Variants in EFNA5 observed in about 807,000 individuals in gnomAD.
EFNA5 encodes ephrin A5, also known as ephrin-A5.
Under a neutral mutation model 22.9 loss-of-function variants are expected in EFNA5, and 5 were observed. The observed-to-expected ratio is 0.22, with a 90% CI of 0.11 to 0.46. The LOEUF (loss-of-function observed/expected upper bound fraction) is 0.46, where lower values mean the gene tolerates loss of function less well. Ranked by LOEUF, EFNA5 falls within the 20% of genes least tolerant of loss-of-function variation. The pLI, the probability that EFNA5 is intolerant of heterozygous loss-of-function variation, is 0.99. For synonymous variants in EFNA5, 113 were observed against 112.2 expected (o/e 1.01, Z -0.04); for missense variants, 237 against 293.3 (o/e 0.81, Z 1.40).
chr5:107,460,634 GA>G lies in EFNA5; in HGVS notation c.126-33126del, dbSNP rs543485105. 6.6e-5 allele frequency among the ~76,000 whole-genome samples: 10 copies of G among 150,722 alleles called. No homozygotes were observed. The East Asian group carries it at 7.8e-4, about 12-fold the overall frequency. On this transcript the variant is annotated intron_variant, in intron 1 of 4. Coordinates refer to ENST00000333274, the MANE Select transcript of EFNA5 (RefSeq NM_001962.3). ...AGATCTTTTGTAATTTAAAATGTGA[GA>G]AAAAAAAACCCTGAAAGTAGCTTTC...
intron 1 of EFNA5, among the ~76,000 whole-genome samples, chr5:107,600,942 T>A (rs776803971): frequency 6.6e-6 from 1 of 152,184 alleles, no homozygotes; most frequent in African/African-American, 2.4e-5. Flanking sequence ...AGAAGACCTA[T>A]AAAGATTGAA....
At chr5:107,452,288 C>T (rs1254585664) in intron 1 of EFNA5, among the ~76,000 whole-genome samples, 1 of 151,862 alleles carries the variant, frequency 6.6e-6, no homozygotes, top group African/African-American at 2.4e-5. Context: ...ACACGTATAC[C>T]TATGTGACAA....
At chr5:107,482,824 CTGTCTCTG>C (rs1462329397) in intron 1 of EFNA5, among the ~76,000 whole-genome samples, 3,085 of 52,834 alleles carry the variant, frequency 0.058, 113 homozygotes, top group African/African-American at 0.17. Context: ...GTCTCTCTCT[CTGTCTCTG>C]TCTCTCTCTC....
At chr5:107,384,562 C>A (rs1367215452) in intron 4 of EFNA5, among the ~76,000 whole-genome samples, 6 of 152,134 alleles carry the variant, frequency 3.9e-5, no homozygotes, top group Non-Finnish European at 1.5e-5. Context: ...GGTAAATACC[C>A]TTTCACTCAG....
intron 1 of EFNA5, among the ~76,000 whole-genome samples, chr5:107,437,602 C>A (rs139056219): frequency 6.6e-6 from 1 of 152,270 alleles, no homozygotes; most frequent in African/African-American, 2.4e-5. Flanking sequence ...ACGTATAGAT[C>A]TCCTTGAAAA....
intron 1 of EFNA5, among the ~76,000 whole-genome samples, chr5:107,567,870 A>T (rs759321792): frequency 6.6e-6 from 1 of 152,160 alleles, no homozygotes; most frequent in East Asian, 1.9e-4. Flanking sequence ...TAATATTTAC[A>T]TTCAAGTTCT....
At chr5:107,567,472 T>C (rs1247894165) in intron 1 of EFNA5, among the ~76,000 whole-genome samples, 1 of 152,188 alleles carries the variant, frequency 6.6e-6, no homozygotes, top group Non-Finnish European at 1.5e-5. Context: ...TTTCAAGCTC[T>C]GGGGCCCGAA....
chr5:107,514,782 C>G (rs1365683642), intron 1 of EFNA5, among the ~76,000 whole-genome samples: 1 of 152,184 alleles, frequency 6.6e-6, no homozygotes, highest in Non-Finnish European at 1.5e-5. Flanking sequence ...CCTACGTGAC[C>G]TGCCTCCCGT....
intron 1 of EFNA5, among the ~76,000 whole-genome samples, chr5:107,630,631 A>G (rs352602): frequency 0.26 from 39,930 of 151,904 alleles, 5,837 homozygotes; most frequent in Non-Finnish European, 0.33. Context: ...ACACTTCTGT[A>G]GACTTTATGA....
chr5:107,515,443 A>T (rs1282929701), intron 1 of EFNA5, among the ~76,000 whole-genome samples: 1 of 147,488 alleles, frequency 6.8e-6, no homozygotes, highest in Non-Finnish European at 1.5e-5. Flanking sequence ...CAGTGGCACA[A>T]TCTCGGCTCA....
At chr5:107,659,919 T>A (rs1403075282) in intron 1 of EFNA5, among the ~76,000 whole-genome samples, 1 of 151,914 alleles carries the variant, frequency 6.6e-6, no homozygotes, top group Non-Finnish European at 1.5e-5. Context: ...TCTACATTTT[T>A]TTTCCTTCAG....
At chr5:107,570,933 C>T (rs952573471) in intron 1 of EFNA5, among the ~76,000 whole-genome samples, 2 of 152,086 alleles carry the variant, frequency 1.3e-5, no homozygotes, top group African/African-American at 4.8e-5. Context: ...AAAGTAAACT[C>T]ACTCTACACA....
At chr5:107,657,529 A>G (rs1387919465) in intron 1 of EFNA5, among the ~76,000 whole-genome samples, 1 of 152,166 alleles carries the variant, frequency 6.6e-6, no homozygotes, top group Non-Finnish European at 1.5e-5. Flanking sequence ...CATAGTTATT[A>G]TGAAATAGTA....
At chr5:107,537,062 G>A (rs1747945597) in intron 1 of EFNA5, among the ~76,000 whole-genome samples, 2 of 142,536 alleles carry the variant, frequency 1.4e-5, no homozygotes, top group African/African-American at 3.0e-5. Context: ...CCGACATCGT[G>A]CCACTGCACT....
intron 1 of EFNA5, among the ~76,000 whole-genome samples, chr5:107,546,686 AC>A (rs3078581): frequency 7.0e-6 from 1 of 142,426 alleles, no homozygotes; most frequent in Non-Finnish European, 1.5e-5. Flanking sequence ...ACACACACAC[AC>A]TCTCACCCCT....
At position 107,442,180 on chromosome 5, in the gene EFNA5, C is replaced by CT. The variant is rs772932341; in HGVS notation, c.126-14672dup. Among the ~76,000 whole-genome samples, 196 of 141,996 alleles carry CT rather than the reference C, an allele frequency of 1.4e-3. 1 individual carries two copies. The highest frequency in any genetic ancestry group is 4.3e-3 in the African/African-American group (170 of 39,250). The allele number at this position is 141,996 out of a possible 152,430, so 93.2% of individuals were successfully genotyped here. On this transcript the variant is annotated intron_variant, in intron 1 of 4. Coordinates refer to ENST00000333274, the MANE Select transcript of EFNA5 (RefSeq NM_001962.3). ...TGACATCAGCTTGCAAAGAGATGGC[C>CT]TTTTTTTTTCCCATTGATACTTAGT... is the stretch of plus-strand genomic sequence containing the variant.
intron 1 of EFNA5, among the ~76,000 whole-genome samples, chr5:107,512,342 G>C (rs1378783020): frequency 6.8e-6 from 1 of 147,624 alleles, no homozygotes; most frequent in Non-Finnish European, 1.5e-5. Context: ...TTTGCAAGCT[G>C]AGGGGCAAAA....
chr5:107,403,371 G>A (rs757887647), intron 2 of EFNA5, among the ~76,000 whole-genome samples: 1 of 152,086 alleles, frequency 6.6e-6, no homozygotes, highest in Non-Finnish European at 1.5e-5. Context: ...CCTGCTCTGT[G>A]AGCAATAAAA....
chr5:107,605,770 C>T (rs1436608668), intron 1 of EFNA5, among the ~76,000 whole-genome samples: 1 of 152,182 alleles, frequency 6.6e-6, no homozygotes, highest in Non-Finnish European at 1.5e-5. Context: ...CCTCCCTTTT[C>T]CCTGCCTGCC....
Sources: allele counts gnomAD v4.1 joint callset (sites outside exome capture counted in the v4.1 genomes callset), GRCh38; gene constraint gnomAD v4.1.1; transcripts MANE v1.5; gene names NCBI Gene and HGNC (gene_info 2026-07-23, HGNC 2026-07-21).